Variants in SV2C observed in about 807,000 individuals in gnomAD.
The protein encoded by SV2C is synaptic vesicle glycoprotein 2C.
Under a neutral mutation model 79.7 loss-of-function variants are expected in SV2C, and 49 were observed. That is an observed-to-expected ratio of 0.61 (90% CI 0.49 to 0.78). The LOEUF is 0.78. Among genes scored for constraint, SV2C ranks in the 30% least tolerant of loss-of-function variants. The probability of loss-of-function intolerance (pLI) is 0.00; values close to 1 mark genes in which losing one functional copy is unlikely to be tolerated. For missense variants in SV2C, 833 were observed against 912.9 expected (o/e 0.91, Z 1.13); for synonymous variants, 334 against 333.2 (o/e 1.00, Z -0.03).
chr5:76,266,045 G>T (rs1211521360), intron 4 of SV2C, among the ~76,000 whole-genome samples: 2 of 152,076 alleles, frequency 1.3e-5, no homozygotes, highest in African/African-American at 4.8e-5. Flanking sequence ...GGCAGGTGGG[G>T]TGTGCCCGGA....
intron 3 of SV2C, among the ~76,000 whole-genome samples, chr5:76,202,015 C>CA (rs373279209): frequency 0.36 from 29,302 of 81,888 alleles, 4,818 homozygotes; most frequent in East Asian, 0.59. Context: ...GACTCCATCT[C>CA]AAAAAAAAAA....
chr5:76,344,465 T>G (rs1420065544), intron 12 of SV2C, among the ~76,000 whole-genome samples: 2 of 152,194 alleles, frequency 1.3e-5, no homozygotes, highest in African/African-American at 2.4e-5. Flanking sequence ...TCCCAACACT[T>G]TGGGAGGCCA....
intron 2 of SV2C, among the ~76,000 whole-genome samples, chr5:76,186,791 C>T (rs895771351): frequency 9.3e-5 from 5 of 53,622 alleles, no homozygotes; most frequent in African/African-American, 1.4e-4. Context: ...CTTCACAGGA[C>T]AGCAGGAGAA....
chr5:76,125,874 A>G (rs1008004760), intron 1 of SV2C, among the ~76,000 whole-genome samples: 1 of 152,088 alleles, frequency 6.6e-6, no homozygotes, highest in Non-Finnish European at 1.5e-5. Flanking sequence ...CCTTGGAAAC[A>G]TAAAAAGACT....
At chr5:76,267,579 A>G (rs1335136619) in intron 4 of SV2C, among the ~76,000 whole-genome samples, 2 of 152,268 alleles carry the variant, frequency 1.3e-5, no homozygotes, top group African/African-American at 4.8e-5. Context: ...AGCAGGATTT[A>G]GCAGAGTATA....
chr5:76,061,263 A>G, the SV2C span, among the ~76,000 whole-genome samples: 1 of 126,776 alleles, frequency 7.9e-6, no homozygotes, highest in Non-Finnish European at 1.6e-5. Flanking sequence ...CAAACCTTCA[A>G]TTTGTAAAAA....
intron 2 of SV2C, among the ~76,000 whole-genome samples, chr5:76,183,814 C>A (rs1410705469): frequency 6.6e-6 from 1 of 152,190 alleles, no homozygotes; most frequent in Non-Finnish European, 1.5e-5. Flanking sequence ...CCGAGAGTGC[C>A]TTTTACTTGG....
Position 76,325,414 on chromosome 5 carries a change from T to C in SV2C, c.2051T>C (p.Leu684Pro), listed in dbSNP as rs772227535. The C allele has an allele frequency of 1.9e-6, 3 of 1,614,128 alleles. No homozygotes were observed. Among genetic ancestry groups the C allele is most frequent in the Non-Finnish European group, 2.5e-6 (3 of 1,180,052 alleles). Reference protein sequence around the residue: ...LNALCKAAAVLGNLIFGSLVS... With the variant: ...LNALCKAAAVPGNLIFGSLVS... The stretch of plus-strand genomic sequence containing the variant: ...GCGCTATGCAAGGCAGCAGCCGTCC[T>C]GGGAAACTTAATATTTGGCTCTCTG... The change falls in exon 13 of 13, where the codon CTG becomes CCG. Residue 684 changes from leucine (L) to proline (P), a missense_variant. Transcript: ENST00000502798.
At chr5:75,926,218 C>T in the SV2C span, among the ~76,000 whole-genome samples, 1 of 152,132 alleles carries the variant, frequency 6.6e-6, no homozygotes, top group Non-Finnish European at 1.5e-5. Flanking sequence ...AAACTCTCAT[C>T]TGCTTACCCA....
chr5:76,268,236 G>A (rs1746727663), intron 4 of SV2C, among the ~76,000 whole-genome samples: 1 of 152,130 alleles, frequency 6.6e-6, no homozygotes, highest in Non-Finnish European at 1.5e-5. Context: ...GTGGGAGGGG[G>A]AAGGGAAAGT....
At chr5:75,997,832 C>T in the SV2C span, among the ~76,000 whole-genome samples, 3 of 152,122 alleles carry the variant, frequency 2.0e-5, no homozygotes, top group African/African-American at 7.2e-5. Context: ...CCAGCCATCC[C>T]ATTACGGGGT....
the SV2C span, among the ~76,000 whole-genome samples, chr5:76,044,216 C>T: frequency 6.6e-6 from 1 of 152,152 alleles, no homozygotes; most frequent in Non-Finnish European, 1.5e-5. Flanking sequence ...CAGCTCTATC[C>T]ATATCCCTGC....
At chr5:76,152,138 C>A (rs74914358) in intron 2 of SV2C, among the ~76,000 whole-genome samples, 15 of 152,130 alleles carry the variant, frequency 9.9e-5, no homozygotes, top group African/African-American at 3.1e-4. Context: ...TCTGAGGGGA[C>A]GGGGCTGAGA....
intron 4 of SV2C, among the ~76,000 whole-genome samples, chr5:76,223,119 T>G (rs1745119968): frequency 1.3e-5 from 2 of 152,096 alleles, no homozygotes; most frequent in South Asian, 4.1e-4. Flanking sequence ...TGCCAAGCAT[T>G]CAGAGACCTA....
At chr5:76,336,482 A>C (rs1333412510), downstream of SV2C, among the ~76,000 whole-genome samples, 1 of 151,836 alleles carries the variant, frequency 6.6e-6, no homozygotes, top group East Asian at 1.9e-4. Context: ...CCCACTTCCC[A>C]GATGGGGTGG....
intron 1 of SV2C, among the ~76,000 whole-genome samples, chr5:76,127,577 A>G (rs764691511): frequency 2.2e-4 from 33 of 152,218 alleles, no homozygotes; most frequent in Non-Finnish European, 4.0e-4. Flanking sequence ...GTGGTTTTAC[A>G]GGAGATACTG....
chr5:76,280,729 C>T (rs756002321), intron 4 of SV2C, among the ~76,000 whole-genome samples: 2 of 152,188 alleles, frequency 1.3e-5, no homozygotes, highest in Non-Finnish European at 2.9e-5. Context: ...CCTCCAGGTG[C>T]GGGACCTGCC....
intron 2 of SV2C, among the ~76,000 whole-genome samples, chr5:76,149,084 G>C (rs1749523314): frequency 6.6e-6 from 1 of 152,168 alleles, no homozygotes; most frequent in Admixed American, 6.5e-5. Context: ...CCTACCACTA[G>C]TGTTGATGAC....
At chr5:75,922,357 G>A in the SV2C span, among the ~76,000 whole-genome samples, 1 of 152,054 alleles carries the variant, frequency 6.6e-6, no homozygotes, top group African/African-American at 2.4e-5. Context: ...ATAAGTGTAA[G>A]TGGCTAATTT....
Sources: allele counts gnomAD v4.1 joint callset (sites outside exome capture counted in the v4.1 genomes callset), GRCh38; gene constraint gnomAD v4.1.1; transcripts MANE v1.5; gene names NCBI Gene and HGNC (gene_info 2026-07-23, HGNC 2026-07-21).